The following SORCS1 variants were observed in gnomAD, a reference collection of about 807,000 sequenced individuals.
SORCS1 encodes the protein VPS10 domain-containing receptor SorCS1.
SORCS1 carries 60 observed loss-of-function variants against 146.1 expected under a neutral mutation model. The observed-to-expected ratio is 0.41, with a 90% CI of 0.33 to 0.51. SORCS1 has a LOEUF of 0.51. SORCS1 is among the 20% of genes least tolerant of loss of function. The pLI, the probability that SORCS1 is intolerant of heterozygous loss-of-function variation, is 0.21. For synonymous variants in SORCS1, 637 were observed against 584.0 expected (o/e 1.09, Z -1.31); for missense variants, 1,352 against 1,487.6 (o/e 0.91, Z 1.50).
intron 5 of SORCS1, among the ~76,000 whole-genome samples, chr10:106,756,355 T>C (rs1166785688): frequency 6.6e-6 from 1 of 152,156 alleles, no homozygotes; most frequent in Non-Finnish European, 1.5e-5. Flanking sequence ...TTTGATGAAG[T>C]AGGTATTAAT....
chr10:106,956,482 C>G, intron 2 of SORCS1, 31 bp downstream of exon 2: 1 of 1,602,792 alleles, frequency 6.2e-7, no homozygotes, highest in African/African-American at 1.3e-5. Context: ...TTAAATAACA[C>G]GGTAATTATT....
chr10:107,094,125 C>A (rs1380672896), intron 1 of SORCS1, among the ~76,000 whole-genome samples: 1 of 152,112 alleles, frequency 6.6e-6, no homozygotes, highest in East Asian at 1.9e-4. Context: ...ATATATTTCA[C>A]TAATGTATAT....
intron 1 of SORCS1, among the ~76,000 whole-genome samples, chr10:107,074,589 A>T (rs569868100): frequency 2.6e-4 from 40 of 152,316 alleles, no homozygotes; most frequent in Non-Finnish European, 5.1e-4. Flanking sequence ...ATCATTTGGT[A>T]AGAGTATGAT....
At chr10:107,163,866 T>C (rs1323483303) in intron 1 of SORCS1, 103 bp downstream of exon 1, 36 of 1,329,732 alleles carry the variant, frequency 2.7e-5, no homozygotes, top group Non-Finnish European at 3.3e-5. Context: ...GCATCTCCCA[T>C]GTCCAGAAAC....
rs185515246 is a variant in SORCS1 at position 106,806,780 on chromosome 10, G to T, written c.726+22794C>A. 6.8e-3 allele frequency among the ~76,000 whole-genome samples: 1,026 copies of T among 151,960 alleles called. 41 individuals carry two copies. Among genetic ancestry groups the T allele is most frequent in the Admixed American group, 0.061 (938 of 15,262 alleles). On this transcript the variant is annotated intron_variant, in intron 3 of 25. Transcript: ENST00000263054. ...TCAGCCCACCCTGGCCTCCTGGAGTGCTGGGATTACAGGCGTGAGCCACCG... is the reference window on the plus strand; with the variant it reads ...TCAGCCCACCCTGGCCTCCTGGAGTTCTGGGATTACAGGCGTGAGCCACCG...
At chr10:106,837,338 A>C (rs1451814323) in intron 2 of SORCS1, among the ~76,000 whole-genome samples, 1 of 152,086 alleles carries the variant, frequency 6.6e-6, no homozygotes, top group African/African-American at 2.4e-5. Flanking sequence ...CTTCAAAAGA[A>C]AAGCATAAAT....
intron 9 of SORCS1, among the ~76,000 whole-genome samples, chr10:106,695,032 G>A (rs976715629): frequency 7.2e-5 from 11 of 152,002 alleles, no homozygotes; most frequent in Non-Finnish European, 1.3e-4. Context: ...CAGACACTCA[G>A]CACATTTTTT....
rs181235774 is a variant in SORCS1, at chr10:106,642,088, T to C, written c.2475+10294A>G. Among the ~76,000 whole-genome samples the C allele has an allele frequency of 4.7e-3, 711 of 152,318 alleles. 5 individuals are homozygous for C. Among genetic ancestry groups the C allele is most frequent in the Non-Finnish European group, 8.0e-3 (541 of 68,030 alleles). On this transcript the variant is annotated intron_variant, in intron 18 of 25. Coordinates refer to ENST00000263054, the MANE Select transcript of SORCS1 (RefSeq NM_052918.5). ...TTCCTCAGGTCTCTAATGGTTTAGATGAAATGCAGAGGAGATGGAAATTAC... is the reference window on the plus strand; with the variant it reads ...TTCCTCAGGTCTCTAATGGTTTAGACGAAATGCAGAGGAGATGGAAATTAC...
chr10:106,578,476 T>C (rs11192964), intron 25 of SORCS1: 12,925 of 178,566 alleles, frequency 0.072, 775 homozygotes, highest in East Asian at 0.25. Flanking sequence ...CAGGATGCTC[T>C]ACTGCCTGGA....
At chr10:106,944,926 C>T (rs1274656657) in intron 2 of SORCS1, among the ~76,000 whole-genome samples, 1 of 113,796 alleles carries the variant, frequency 8.8e-6, no homozygotes. Flanking sequence ...CGCTCTGTCA[C>T]TCAGGCTGAC....
chr10:107,116,968 C>T (rs894132794), intron 1 of SORCS1, among the ~76,000 whole-genome samples: 1 of 151,868 alleles, frequency 6.6e-6, no homozygotes, highest in Non-Finnish European at 1.5e-5. Context: ...AACCAATACA[C>T]TAAAGAGTAA....
chr10:106,950,462 G>A (rs1232941048), intron 2 of SORCS1, among the ~76,000 whole-genome samples: 2 of 152,092 alleles, frequency 1.3e-5, no homozygotes, highest in African/African-American at 4.8e-5. Flanking sequence ...ATTGAAAAGT[G>A]CACGTATCTA....
intron 5 of SORCS1, among the ~76,000 whole-genome samples, chr10:106,743,841 G>T (rs1266055893): frequency 6.6e-6 from 1 of 152,096 alleles, no homozygotes; most frequent in Non-Finnish European, 1.5e-5. Flanking sequence ...GTAAAAAAAA[G>T]GAAACTAAAA....
intron 1 of SORCS1, among the ~76,000 whole-genome samples, chr10:107,094,886 G>C (rs1964441998): frequency 6.6e-6 from 1 of 152,146 alleles, no homozygotes; most frequent in Non-Finnish European, 1.5e-5. Flanking sequence ...ACCTTCATTT[G>C]GGAAAGTAAT....
In SORCS1 at chr10:106,960,007, C is replaced by T. The variant is rs574011168; in HGVS notation, c.559-3427G>A. Among the ~76,000 whole-genome samples, 1 of 152,262 alleles carries T rather than the reference C, an allele frequency of 6.6e-6. No homozygotes were observed. Among genetic ancestry groups the T allele is most frequent in the South Asian group, 2.1e-4 (1 of 4,828 alleles). ...CTCAAAATGCATATGAACATATATACCCCCACACAAAGTGGCATATCCATC... is the reference window on the plus strand; with the variant it reads ...CTCAAAATGCATATGAACATATATATCCCCACACAAAGTGGCATATCCATC... On this transcript the variant is annotated intron_variant, in intron 1 of 25. Coordinates refer to ENST00000263054, the MANE Select transcript of SORCS1 (RefSeq NM_052918.5). This position sits in a 1 kb window ranked among gnomAD's most constrained non-coding sequence, Gnocchi z 4.4.
chr10:106,995,881 T>G lies in SORCS1; in HGVS notation c.559-39301A>C, dbSNP rs1244426532. On this transcript the variant is annotated intron_variant, in intron 1 of 25. Transcript: ENST00000263054. ...TATAACAAGGGAACCTGGCAAATGT[T>G]GTGACCAGTCAAAGGAGAAGTTCAA... Among the ~76,000 whole-genome samples, 4 of 152,266 alleles carry G rather than the reference T, an allele frequency of 2.6e-5. No homozygotes were observed. The East Asian group carries it at 7.7e-4, about 29-fold the overall frequency.
Position 106,825,682 on chromosome 10 carries a change from T to C in SORCS1, c.726+3892A>G, listed in dbSNP as rs1437183536. On this transcript the variant is annotated intron_variant, in intron 3 of 25. Transcript: ENST00000263054. ...AATCATCTTTTCTTACAGCAGACTTTATGTGACCAATAAACCTCTGCTGAC... is the reference window on the plus strand; with the variant it reads ...AATCATCTTTTCTTACAGCAGACTTCATGTGACCAATAAACCTCTGCTGAC... Among the ~76,000 whole-genome samples the C allele has an allele frequency of 2.6e-5, 4 of 152,132 alleles. No individual in the cohort carries two copies. In the East Asian group the frequency reaches 5.8e-4, roughly 22 times the overall value.
chr10:106,996,694 C>T (rs1957020347), intron 1 of SORCS1, among the ~76,000 whole-genome samples: 1 of 152,164 alleles, frequency 6.6e-6, no homozygotes, highest in Non-Finnish European at 1.5e-5. Flanking sequence ...AATGATATCA[C>T]AGCAGGCAAG....
chr10:106,868,602 A>C (rs1950303136), intron 2 of SORCS1, among the ~76,000 whole-genome samples: 1 of 152,234 alleles, frequency 6.6e-6, no homozygotes. Context: ...TTTTGGGTAA[A>C]TAATGAAATT....
Sources: allele counts gnomAD v4.1 joint callset (sites outside exome capture counted in the v4.1 genomes callset), GRCh38; gene constraint gnomAD v4.1.1; non-coding constraint Gnocchi (gnomAD v3.1); transcripts MANE v1.5; gene names NCBI Gene and HGNC (gene_info 2026-07-23, HGNC 2026-07-21).